The following KCNH7 variants were observed in gnomAD, a reference collection of about 807,000 sequenced individuals.
KCNH7 encodes voltage-gated inwardly rectifying potassium channel KCNH7.
In KCNH7, 49 loss-of-function variants were observed where a neutral mutation model predicts 120.8. That is an observed-to-expected ratio of 0.41 (90% CI 0.32 to 0.51). KCNH7 has a LOEUF of 0.51. Among genes scored for constraint, KCNH7 ranks in the 20% least tolerant of loss-of-function variants. The pLI is 0.38. For missense variants in KCNH7, 1,097 were observed against 1,446.6 expected, an observed-to-expected ratio of 0.76 and a Z score of 3.92; for synonymous variants, 547 against 516.1, an observed-to-expected ratio of 1.06 and a Z score of -0.81.
At chr2:162,670,902 G>A (rs985487648) in intron 2 of KCNH7, among the ~76,000 whole-genome samples, 1 of 151,800 alleles carries the variant, frequency 6.6e-6, no homozygotes, top group African/African-American at 2.4e-5. Flanking sequence ...GAAAATACAA[G>A]TTAAAGTAAA....
chr2:162,649,873 T>C (rs891542489), intron 2 of KCNH7, among the ~76,000 whole-genome samples: 1 of 152,200 alleles, frequency 6.6e-6, no homozygotes, highest in African/African-American at 2.4e-5. Context: ...TATATCATTA[T>C]TGTAATGACA....
At chr2:162,417,668 G>A (rs1687580205) in intron 9 of KCNH7, among the ~76,000 whole-genome samples, 2 of 152,040 alleles carry the variant, frequency 1.3e-5, no homozygotes, top group Admixed American at 1.3e-4. Flanking sequence ...GACTTAAGAT[G>A]GGCTAAAGGT....
intron 14 of KCNH7, among the ~76,000 whole-genome samples, chr2:162,375,006 C>G (rs1255138163): frequency 1.3e-5 from 2 of 152,142 alleles, no homozygotes; most frequent in Non-Finnish European, 2.9e-5. Flanking sequence ...CCCATTATTT[C>G]ACTGTTATGT....
Position 162,371,902 on chromosome 2 carries a change from T to G in KCNH7, c.3518A>C (p.Asp1173Ala). The G allele has an allele frequency of 1.2e-6, 2 of 1,613,850 alleles. No homozygotes were observed. The highest frequency in any genetic ancestry group is 1.7e-6 in the Non-Finnish European group (2 of 1,179,820). ...VHPIRHPSLP[D>A]SSLSTVGIVG... ...GATTCCTACAGTGCTTAGGGATGAA[T>G]CTGGCAAAGAAGGATGCCTAATTGG... The change falls in exon 16 of 16, where the codon GAT (aspartate) becomes GCT (alanine). Residue 1173 changes from aspartate (D) to alanine (A), a missense_variant. Around this residue, in one of 8 missense-constraint regions of KCNH7, gnomAD observed 406 missense variants for 410.5 expected, o/e 0.99. Transcript: ENST00000332142.
chr2:162,532,197 G>A (rs1290894180), intron 3 of KCNH7, among the ~76,000 whole-genome samples: 1 of 151,786 alleles, frequency 6.6e-6, no homozygotes, highest in Non-Finnish European at 1.5e-5. Flanking sequence ...AAGCATAATT[G>A]GCTCAGAAAA....
At chr2:162,670,388 C>T (rs1333610828) in intron 2 of KCNH7, among the ~76,000 whole-genome samples, 1 of 146,420 alleles carries the variant, frequency 6.8e-6, no homozygotes, top group Admixed American at 7.0e-5. Context: ...GCAAGAGAGT[C>T]GCTTAAACCC....
At chr2:162,579,159 ATC>A (rs1363831422) in intron 2 of KCNH7, among the ~76,000 whole-genome samples, 1 of 152,018 alleles carries the variant, frequency 6.6e-6, no homozygotes, top group Non-Finnish European at 1.5e-5. Context: ...AAGCCAAGGC[ATC>A]TCTTACTTGT....
At chr2:162,547,947 C>G (rs527774651) in intron 2 of KCNH7, among the ~76,000 whole-genome samples, 9 of 152,044 alleles carry the variant, frequency 5.9e-5, no homozygotes, top group Non-Finnish European at 1.3e-4. Context: ...AGATTAGGCT[C>G]TTTAGGTATG....
Position 162,620,188 on chromosome 2 carries a change from T to C in KCNH7, c.308-83108A>G, listed in dbSNP as rs139168593. ...GAGAGAGAGATAGATATTTTTGTTA[T>C]GTATCCTTTTATTTTATATATTAAA... On this transcript the variant is annotated intron_variant, in intron 2 of 15. Coordinates refer to ENST00000332142, the MANE Select transcript of KCNH7 (RefSeq NM_033272.4). Among the ~76,000 whole-genome samples the C allele has an allele frequency of 2.5e-3, 380 of 150,606 alleles. 2 individuals are homozygous for C. Among genetic ancestry groups the C allele is most frequent in the African/African-American group, 8.5e-3 (352 of 41,246 alleles).
intron 2 of KCNH7, among the ~76,000 whole-genome samples, chr2:162,794,804 T>C (rs1199481831): frequency 1.3e-5 from 2 of 152,034 alleles, no homozygotes; most frequent in African/African-American, 4.8e-5. Flanking sequence ...AACTTCAAAC[T>C]ATAACATAGT....
At chr2:162,694,621 T>A (rs1441227185) in intron 2 of KCNH7, among the ~76,000 whole-genome samples, 1 of 152,124 alleles carries the variant, frequency 6.6e-6, no homozygotes, top group African/African-American at 2.4e-5. Context: ...CATTAGTTCA[T>A]GCTCCTTCCA....
chr2:162,711,253 C>T (rs572405655), intron 2 of KCNH7, among the ~76,000 whole-genome samples: 8 of 152,304 alleles, frequency 5.3e-5, no homozygotes, highest in South Asian at 4.1e-4. Flanking sequence ...TGTTATCATC[C>T]GGCCTTTGTA....
chr2:162,504,761 T>G (rs1690812642), intron 5 of KCNH7, 104 bp from the exon 6 acceptor site: 3 of 740,158 alleles, frequency 4.1e-6, no homozygotes, highest in Non-Finnish European at 6.8e-6. Context: ...TGATCCTGAT[T>G]TGAGTGTGAC....
At chr2:162,379,425 T>C (rs764987021) in intron 14 of KCNH7, among the ~76,000 whole-genome samples, 2 of 152,224 alleles carry the variant, frequency 1.3e-5, no homozygotes, top group Non-Finnish European at 2.9e-5. Context: ...ATAAGCTGAC[T>C]GAATAACTAA....
intron 2 of KCNH7, among the ~76,000 whole-genome samples, chr2:162,698,396 T>A (rs977479902): frequency 6.6e-6 from 1 of 151,790 alleles, no homozygotes; most frequent in Non-Finnish European, 1.5e-5. Flanking sequence ...AATGTATATT[T>A]TTTTTGTTTT....
intron 2 of KCNH7, among the ~76,000 whole-genome samples, chr2:162,664,182 C>A (rs1051177656): frequency 3.3e-5 from 5 of 152,072 alleles, no homozygotes; most frequent in Non-Finnish European, 7.4e-5. Context: ...ATTCAAGACA[C>A]CCTTTAAGAA....
intron 13 of KCNH7, among the ~76,000 whole-genome samples, chr2:162,383,052 G>A (rs984924142): frequency 3.3e-5 from 5 of 151,890 alleles, no homozygotes; most frequent in African/African-American, 7.2e-5. Flanking sequence ...TAATTGGAAG[G>A]CGTAGCAAAG....
chr2:162,685,456 C>T (rs903372059), intron 2 of KCNH7, among the ~76,000 whole-genome samples: 15 of 151,568 alleles, frequency 9.9e-5, no homozygotes, highest in Admixed American at 3.3e-4. Flanking sequence ...CAATAAAATC[C>T]CGACTGAATA....
intron 6 of KCNH7, among the ~76,000 whole-genome samples, chr2:162,467,062 C>T (rs1689333248): frequency 1.3e-5 from 2 of 152,084 alleles, no homozygotes; most frequent in South Asian, 2.1e-4. Flanking sequence ...CAGTGGGAGG[C>T]TTTGTTCTGG....
Sources: gnomAD v4.1 joint callset for allele counts (sites outside exome capture counted in the v4.1 genomes callset) on GRCh38, gnomAD v4.1.1 for gene constraint, gnomAD v4.1.1 regional missense constraint, MANE v1.5 for transcripts, NCBI Gene and HGNC (gene_info 2026-07-23, HGNC 2026-07-21) for gene names.